Variants in FAM20A observed in about 807,000 individuals in gnomAD.
FAM20A encodes pseudokinase FAM20A.
A neutral mutation model predicts 52.0 loss-of-function variants in FAM20A; 42 were observed. The observed-to-expected ratio is 0.81, with a 90% CI of 0.63 to 1.04. The LOEUF is 1.04. FAM20A is among the 50% of genes least tolerant of loss of function. The pLI is 0.00. For synonymous variants in FAM20A, 304 were observed against 298.9 expected (o/e 1.02, Z -0.18); for missense variants, 742 against 712.7 (o/e 1.04, Z -0.47).
chr17:68,542,672 A>G (rs929226503), intron 6 of FAM20A, 22 bp downstream of exon 6: 1 of 1,580,432 alleles, frequency 6.3e-7, no homozygotes, highest in South Asian at 1.1e-5. Context: ...GACCCGGAAT[A>G]TCACTCGGGC....
At chr17:68,538,202 A>C (rs2086151907) in intron 10 of FAM20A, among the ~76,000 whole-genome samples, 1 of 152,242 alleles carries the variant, frequency 6.6e-6, no homozygotes, top group Non-Finnish European at 1.5e-5. Context: ...TTAAAATCAC[A>C]GAGATGAAAA....
intron 1 of FAM20A, among the ~76,000 whole-genome samples, chr17:68,583,231 ATTAG>A (rs1211898244): frequency 1.3e-5 from 2 of 152,198 alleles, no homozygotes; most frequent in African/African-American, 4.8e-5. Flanking sequence ...CCATCTTTCT[ATTAG>A]TTTTCTGTTG....
At position 68,554,955 on chromosome 17, in the gene FAM20A, C is replaced by G. The variant is rs138411045; in HGVS notation, c.590-128G>C. On this transcript the variant is annotated intron_variant, in intron 2 of 10. Transcript: ENST00000592554. Reference sequence around the variant, plus strand: ...CTGTGATGTAGCCTGGGGCCCTTGACCACTCCGTGGGAGGTCTCTTGGAGC... The same window carrying G: ...CTGTGATGTAGCCTGGGGCCCTTGAGCACTCCGTGGGAGGTCTCTTGGAGC... 6.0e-4 allele frequency: 566 copies of G among 938,600 alleles called. 2 individuals are homozygous for G. The African/African-American group carries it at 7.7e-3, about 13-fold the overall frequency. The allele number at this position is 938,600 out of a possible 1,614,324, so 58.1% of individuals were successfully genotyped here.
rs377243260 is a variant in FAM20A at position 68,563,268 on chromosome 17, C to G, written c.405-7525G>C. On this transcript the variant is annotated intron_variant, in intron 1 of 10. Transcript: ENST00000592554. ...GGGTGTGGTGGCAGGCGCCTGTAAT[C>G]CCAGCTACTTGGGAGGCTGAGGCAG... Among the ~76,000 whole-genome samples the G allele has an allele frequency of 1.6e-4, 24 of 151,938 alleles. No homozygotes were observed. The East Asian group carries it at 2.3e-3, about 15-fold the overall frequency.
At chr17:68,581,757 G>A (rs537494459) in intron 1 of FAM20A, among the ~76,000 whole-genome samples, 13 of 151,726 alleles carry the variant, frequency 8.6e-5, no homozygotes, top group Admixed American at 3.3e-4. Context: ...TGTATTTTTA[G>A]TAGAGACAGG....
At chr17:68,556,332 G>T (rs2087048564) in intron 1 of FAM20A, among the ~76,000 whole-genome samples, 1 of 152,056 alleles carries the variant, frequency 6.6e-6, no homozygotes, top group Non-Finnish European at 1.5e-5. Flanking sequence ...GAAAAAAAGA[G>T]AAAAATAAAA....
intron 1 of FAM20A, among the ~76,000 whole-genome samples, chr17:68,591,250 C>T (rs1022780358): frequency 3.3e-5 from 5 of 152,246 alleles, no homozygotes; most frequent in African/African-American, 4.8e-5. Context: ...GGGCGCCCGC[C>T]GCCACGCCCG....
intron 10 of FAM20A, among the ~76,000 whole-genome samples, chr17:68,538,687 GA>G (rs2086167745): frequency 1.3e-5 from 2 of 152,250 alleles, no homozygotes; most frequent in Admixed American, 1.3e-4. Context: ...GAGCCGATAT[GA>G]ATGCTGGGCA....
intron 1 of FAM20A, among the ~76,000 whole-genome samples, chr17:68,568,113 TA>T (rs1305387987): frequency 2.0e-5 from 3 of 151,820 alleles, no homozygotes; most frequent in Admixed American, 6.5e-5. Context: ...AAAGAGAGAA[TA>T]GGGGGAGTGT....
rs752128744 is a variant in FAM20A, at chr17:68,600,313, G to A, written c.354C>T (p.Ala118=). The change falls in exon 1 of 11, where the codon GCC becomes GCT. Residue 118 remains alanine (A), a synonymous_variant. Transcript: ENST00000592554. This position sits in a 1 kb window ranked among gnomAD's most constrained non-coding sequence, Gnocchi z 6.2. ...GGTAATACCGCAGCGCCTCCTGGCT[G>A]GCCAGGAGCGAGTCCTCGGCTCCCA... The part of the protein sequence containing the change: ...PLLGAEDSLL[A]SQEALRYYRR... The A allele has an allele frequency of 1.9e-6, 3 of 1,587,718 alleles. No individual in the cohort carries two copies. The highest frequency in any genetic ancestry group is 1.1e-5 in the South Asian group (1 of 87,014).
chr17:68,550,527 C>G (rs916499447), intron 4 of FAM20A, among the ~76,000 whole-genome samples: 1 of 151,946 alleles, frequency 6.6e-6, no homozygotes, highest in Admixed American at 6.6e-5. Flanking sequence ...ACTGCATACA[C>G]GCACCACCAT....
At position 68,600,661 on chromosome 17, in the gene FAM20A, C is replaced by T; in HGVS notation, c.6G>A (p.Pro2=). The change falls in exon 1 of 11, where the codon CCG becomes CCA. Residue 2 remains proline, a synonymous_variant. Coordinates refer to ENST00000592554, the MANE Select transcript of FAM20A (RefSeq NM_017565.4). This position sits in a 1 kb window ranked among gnomAD's most constrained non-coding sequence, Gnocchi z 6.2. ...TCAGTAGGCGGTCCCGGCGCAGCCCCGGCATGGCGTGCTGGCCAAGGGGGA... is the reference window on the plus strand; with the variant it reads ...TCAGTAGGCGGTCCCGGCGCAGCCCTGGCATGGCGTGCTGGCCAAGGGGGA... M[P]GLRRDRLLTL... 2 of 1,544,396 alleles carry T rather than the reference C, an allele frequency of 1.3e-6. No individual in the cohort carries two copies. Among genetic ancestry groups the T allele is most frequent in the East Asian group, 2.4e-5 (1 of 41,984 alleles).
intron 4 of FAM20A, among the ~76,000 whole-genome samples, chr17:68,548,503 C>G (rs2086671710): frequency 6.6e-6 from 1 of 151,776 alleles, no homozygotes; most frequent in African/African-American, 2.4e-5. Context: ...GCACTCCAGC[C>G]TGGGCAACAG....
chr17:68,562,406 T>C (rs533130990), intron 1 of FAM20A, among the ~76,000 whole-genome samples: 41 of 152,344 alleles, frequency 2.7e-4, no homozygotes, highest in African/African-American at 8.9e-4. Context: ...GGTGCTTATA[T>C]AGACATAGAC....
chr17:68,559,120 G>A (rs1173995724), intron 1 of FAM20A, among the ~76,000 whole-genome samples: 1 of 152,168 alleles, frequency 6.6e-6, no homozygotes, highest in Non-Finnish European at 1.5e-5. Context: ...TGACCTATAG[G>A]ACAAATGGGG....
Position 68,537,416 on chromosome 17 carries a change from G to T in FAM20A, c.*61C>A. ...CAGGTGGGAGTGAGGACGCAGGGTC[G>T]GCACTCGAGTCGACTGCTCTGGCTC... On this transcript the variant is annotated 3_prime_UTR_variant, in exon 11 of 11. Coordinates refer to ENST00000592554, the MANE Select transcript of FAM20A (RefSeq NM_017565.4). This position sits in a 1 kb window ranked among gnomAD's most constrained non-coding sequence, Gnocchi z 4.2. 6.2e-7 allele frequency: 1 copy of T among 1,604,656 alleles called. No individual in the cohort carries two copies.
chr17:68,541,108 C>T (rs1480241979), intron 7 of FAM20A, 150 bp from the exon 8 acceptor site: 1 of 1,170,306 alleles, frequency 8.5e-7, no homozygotes, highest in African/African-American at 1.5e-5. Flanking sequence ...AGGCCCTGGG[C>T]AAGGACGCGT....
chr17:68,575,596 TTATA>T (rs1218870672), intron 1 of FAM20A, among the ~76,000 whole-genome samples: 1 of 109,956 alleles, frequency 9.1e-6, no homozygotes. Flanking sequence ...ATTTTATACA[TTATA>T]TATAATATAT....
chr17:68,538,214 G>A (rs1003745729), intron 10 of FAM20A, among the ~76,000 whole-genome samples: 6 of 152,224 alleles, frequency 3.9e-5, no homozygotes, highest in African/African-American at 1.4e-4. Flanking sequence ...AGATGAAAAT[G>A]TGGTAGGACC....
Sources: allele counts gnomAD v4.1 joint callset (sites outside exome capture counted in the v4.1 genomes callset), GRCh38; gene constraint gnomAD v4.1.1; non-coding constraint Gnocchi (gnomAD v3.1); transcripts MANE v1.5; gene names NCBI Gene and HGNC (gene_info 2026-07-23, HGNC 2026-07-21).